Variants in RORA observed in about 807,000 individuals in gnomAD.
RORA encodes RAR related orphan receptor A, also known as nuclear receptor ROR-alpha.
A neutral mutation model predicts 69.5 loss-of-function variants in RORA; 7 were observed. The ratio of observed to expected loss-of-function variants is 0.10; its 90% CI spans 0.06 to 0.19. The LOEUF (loss-of-function observed/expected upper bound fraction) is 0.19. RORA is among the 10% of genes least tolerant of loss of function. The pLI is 1.00. For missense variants in RORA, 457 were observed against 663.0 expected, an observed-to-expected ratio of 0.69 and a Z score of 3.41; for synonymous variants, 261 against 240.8, an observed-to-expected ratio of 1.08 and a Z score of -0.78.
At chr15:60,755,646 A>G (rs1366484257) in intron 1 of RORA, among the ~76,000 whole-genome samples, 1 of 152,106 alleles carries the variant, frequency 6.6e-6, no homozygotes, top group African/African-American at 2.4e-5. Flanking sequence ...TCCAGCAGAG[A>G]GCTGAGTCTT....
At chr15:61,103,633 A>G (rs1252128516) in intron 1 of RORA, among the ~76,000 whole-genome samples, 1 of 152,182 alleles carries the variant, frequency 6.6e-6, no homozygotes, top group East Asian at 1.9e-4. Flanking sequence ...CAACGACTCA[A>G]AGTCAGAGTG....
At chr15:61,094,519 G>C (rs1466716657) in intron 1 of RORA, among the ~76,000 whole-genome samples, 1 of 152,124 alleles carries the variant, frequency 6.6e-6, no homozygotes, top group African/African-American at 2.4e-5. Flanking sequence ...AACACACCAT[G>C]GGAAAGAGTT....
chr15:61,136,413 G>T (rs910752918), intron 1 of RORA, among the ~76,000 whole-genome samples: 1 of 152,176 alleles, frequency 6.6e-6, no homozygotes, highest in Non-Finnish European at 1.5e-5. Context: ...TTTGTAGCCA[G>T]TATCAAATGT....
Position 61,229,199 on chromosome 15 carries a change from G to C in RORA, c.20C>G (p.Ala7Gly). 5 of 1,542,728 alleles carry C rather than the reference G, an allele frequency of 3.2e-6. No homozygotes were observed. Among genetic ancestry groups the C allele is most frequent in the Non-Finnish European group, 4.4e-6 (5 of 1,147,818 alleles). MESAPA[A>G]PDPAASEPGS... Reference sequence around the variant, plus strand: ...TGGCTCGCTGGCGGCGGGGTCGGGGGCTGCCGGAGCTGACTCCATGTTTTT... The same window carrying C: ...TGGCTCGCTGGCGGCGGGGTCGGGGCCTGCCGGAGCTGACTCCATGTTTTT... The change falls in exon 1 of 11, where the codon GCC (alanine) becomes GGC (glycine). Residue 7 changes from alanine (A) to glycine (G), a missense_variant. Around this residue, in one of 3 missense-constraint regions of RORA, gnomAD observed 119 missense variants for 92.4 expected, o/e 1.29. Transcript: ENST00000335670.
intron 1 of RORA, among the ~76,000 whole-genome samples, chr15:60,894,134 G>A (rs1457051506): frequency 1.3e-5 from 2 of 152,122 alleles, no homozygotes; most frequent in East Asian, 1.9e-4. Context: ...CCAGCCACGC[G>A]GCCCGCAGCC....
chr15:60,760,820 G>C (rs183474009), intron 1 of RORA, among the ~76,000 whole-genome samples: 4 of 152,138 alleles, frequency 2.6e-5, no homozygotes, highest in Non-Finnish European at 4.4e-5. Context: ...CTGGGTAATT[G>C]AATGACGATG....
intron 1 of RORA, among the ~76,000 whole-genome samples, chr15:60,906,183 C>T (rs1172769170): frequency 3.9e-5 from 6 of 152,122 alleles, no homozygotes; most frequent in East Asian, 3.9e-4. Context: ...GCAGCCCTGG[C>T]GCGAGGGAAT....
chr15:60,928,448 G>A (rs1203858841), intron 1 of RORA, among the ~76,000 whole-genome samples: 2 of 152,108 alleles, frequency 1.3e-5, no homozygotes, highest in Admixed American at 6.5e-5. Flanking sequence ...AAAAGCATTC[G>A]CGCTCAGTAT....
At chr15:60,652,795 A>C (rs554611433) in intron 2 of RORA, among the ~76,000 whole-genome samples, 1 of 152,350 alleles carries the variant, frequency 6.6e-6, no homozygotes, top group Non-Finnish European at 1.5e-5. Flanking sequence ...CATGGCCGTA[A>C]GTTTTAATTA....
intron 1 of RORA, among the ~76,000 whole-genome samples, chr15:60,736,264 T>C (rs1285829071): frequency 2.0e-5 from 3 of 152,166 alleles, no homozygotes; most frequent in Non-Finnish European, 2.9e-5. Flanking sequence ...GCAATCTCAG[T>C]TGGTACAGGA....
chr15:61,001,765 A>T (rs751228037), intron 1 of RORA, among the ~76,000 whole-genome samples: 1 of 152,260 alleles, frequency 6.6e-6, no homozygotes, highest in Non-Finnish European at 1.5e-5. Flanking sequence ...GTGAAATATG[A>T]CAAAAATTAA....
intron 1 of RORA, among the ~76,000 whole-genome samples, chr15:61,012,054 A>G (rs1895104562): frequency 6.6e-6 from 1 of 152,244 alleles, no homozygotes; most frequent in African/African-American, 2.4e-5. Context: ...AAAACTGACC[A>G]GGAAGGGGGG....
At chr15:60,640,434 C>T (rs955626526) in intron 2 of RORA, among the ~76,000 whole-genome samples, 1 of 152,222 alleles carries the variant, frequency 6.6e-6, no homozygotes, top group Non-Finnish European at 1.5e-5. Context: ...TCCATCTCCA[C>T]ATAGCAGGCA....
chr15:61,015,969 G>A (rs1895270683), intron 1 of RORA, among the ~76,000 whole-genome samples: 1 of 152,178 alleles, frequency 6.6e-6, no homozygotes, highest in Non-Finnish European at 1.5e-5. Context: ...GGGGAACGTG[G>A]CCAAGACGAC....
chr15:60,499,922 C>G lies in RORA; in HGVS notation c.1377G>C (p.Lys459Asn). Residue 459 changes from lysine to asparagine, a missense_variant, in exon 10 of 11, where the codon AAG (lysine) becomes AAC (asparagine). By Grantham distance (94) the Lys-to-Asn change is moderately conservative. Around this residue, in one of 3 missense-constraint regions of RORA, gnomAD observed 304 missense variants for 447.4 expected, o/e 0.68. Coordinates refer to ENST00000335670, the MANE Select transcript of RORA (RefSeq NM_134261.3). ...IQLALQHVLQ[K>N]NHREDGILTK... ...TTAGTATTCCATCTTCTCGGTGATT[C>G]TTCTGTAGGACGTGTTGAAGAGCTA... The G allele has an allele frequency of 6.2e-7, 1 of 1,610,580 alleles. No homozygotes were observed. The highest frequency in any genetic ancestry group is 1.7e-5 in the Admixed American group (1 of 59,340).
At chr15:60,776,063 A>T (rs1287189010) in intron 1 of RORA, among the ~76,000 whole-genome samples, 1 of 152,132 alleles carries the variant, frequency 6.6e-6, no homozygotes, top group Non-Finnish European at 1.5e-5. Flanking sequence ...CGGTAATTCG[A>T]TGGGAACCTG....
chr15:60,715,048 T>A (rs1047550189), intron 1 of RORA, among the ~76,000 whole-genome samples: 1 of 152,210 alleles, frequency 6.6e-6, no homozygotes, highest in African/African-American at 2.4e-5. Context: ...CTAGGTTGGA[T>A]GACTATGCTG....
chr15:60,604,029 A>C (rs1395949407), intron 2 of RORA, among the ~76,000 whole-genome samples: 1 of 149,538 alleles, frequency 6.7e-6, no homozygotes, highest in Non-Finnish European at 1.5e-5. Flanking sequence ...TCTACGCAGG[A>C]GGCTGAGGCA....
intron 1 of RORA, among the ~76,000 whole-genome samples, chr15:60,701,592 A>G (rs2070982285): frequency 6.6e-6 from 1 of 152,148 alleles, no homozygotes. Context: ...ATATTTATCC[A>G]TCACCTACCA....
Sources: gnomAD v4.1 joint callset for allele counts (sites outside exome capture counted in the v4.1 genomes callset) on GRCh38, gnomAD v4.1.1 for gene constraint, gnomAD v4.1.1 regional missense constraint, MANE v1.5 for transcripts, NCBI Gene and HGNC (gene_info 2026-07-23, HGNC 2026-07-21) for gene names.